PTPRO: variants seen among roughly 807,000 people sequenced by gnomAD.
PTPRO encodes the protein protein tyrosine phosphatase receptor type O.
Under a neutral mutation model 145.2 loss-of-function variants are expected in PTPRO, and 62 were observed. That is an observed-to-expected ratio of 0.43 (90% confidence interval 0.35 to 0.53). PTPRO has a LOEUF of 0.53. Among genes scored for constraint, PTPRO ranks in the 20% least tolerant of loss-of-function variants. The pLI is 0.01. For missense variants in PTPRO, 1,345 were observed against 1,482.7 expected, an observed-to-expected ratio of 0.91 and a Z score of 1.53; for synonymous variants, 565 against 514.7, an observed-to-expected ratio of 1.10 and a Z score of -1.32.
rs181802743 is a variant in PTPRO, at chr12:15,431,372, T to C, written c.76-52602T>C. 3.3e-3 allele frequency among the ~76,000 whole-genome samples: 505 copies of C among 152,328 alleles called. 1 individual carries two copies. The highest frequency in any genetic ancestry group is 5.2e-3 in the Non-Finnish European group (357 of 68,032). On this transcript the variant is annotated intron_variant, in intron 1 of 26. Transcript: ENST00000281171. ...ATTTGCCTTCAAAAATTATACCTTT[T>C]GGAAAACTATACCATATAATTATTT... is the stretch of plus-strand genomic sequence containing the variant.
At chr12:15,396,626 C>T (rs1190394074) in intron 1 of PTPRO, among the ~76,000 whole-genome samples, 3 of 152,126 alleles carry the variant, frequency 2.0e-5, no homozygotes, top group African/African-American at 7.2e-5. Flanking sequence ...AGTAACAGCA[C>T]TTCATAGAGC....
intron 1 of PTPRO, among the ~76,000 whole-genome samples, chr12:15,376,339 T>A (rs968109431): frequency 2.0e-5 from 3 of 152,306 alleles, no homozygotes; most frequent in Middle Eastern, 3.4e-3. Context: ...CAACCAAGAA[T>A]TCTATATTCA....
chr12:15,461,394 T>C (rs1215430949), intron 1 of PTPRO, among the ~76,000 whole-genome samples: 1 of 152,116 alleles, frequency 6.6e-6, no homozygotes, highest in Non-Finnish European at 1.5e-5. Flanking sequence ...CACAACCACC[T>C]TGGACATATG....
intron 1 of PTPRO, among the ~76,000 whole-genome samples, chr12:15,451,566 C>G (rs935184362): frequency 6.6e-6 from 1 of 152,182 alleles, no homozygotes; most frequent in Non-Finnish European, 1.5e-5. Flanking sequence ...GCACATGGAA[C>G]ATTCTCCAAG....
chr12:15,416,138 A>G (rs1201459248), intron 1 of PTPRO, among the ~76,000 whole-genome samples: 1 of 151,630 alleles, frequency 6.6e-6, no homozygotes, highest in Non-Finnish European at 1.5e-5. Context: ...GCTCATATTC[A>G]TTAAATAAAT....
At chr12:15,420,872 T>A (rs969037991) in intron 1 of PTPRO, among the ~76,000 whole-genome samples, 1 of 152,150 alleles carries the variant, frequency 6.6e-6, no homozygotes, top group Non-Finnish European at 1.5e-5. Flanking sequence ...GTTGAATGAG[T>A]TAGCACAGAA....
intron 24 of PTPRO, among the ~76,000 whole-genome samples, chr12:15,588,712 T>C (rs765755101): frequency 2.0e-5 from 3 of 152,192 alleles, no homozygotes; most frequent in Non-Finnish European, 2.9e-5. Context: ...AGTTAGGGTA[T>C]GGACATCTCA....
At chr12:15,372,984 T>C (rs575151945) in intron 1 of PTPRO, among the ~76,000 whole-genome samples, 41 of 152,268 alleles carry the variant, frequency 2.7e-4, no homozygotes, top group African/African-American at 9.4e-4. Flanking sequence ...TCTGAGTCAG[T>C]CAACGGCATG....
intron 1 of PTPRO, among the ~76,000 whole-genome samples, chr12:15,396,314 A>G (rs141502537): frequency 7.0e-4 from 106 of 152,306 alleles, no homozygotes; most frequent in African/African-American, 2.2e-3. Flanking sequence ...ATTGTGTTGC[A>G]CTTGTGTCTT....
chr12:15,380,938 A>G (rs1938842354), intron 1 of PTPRO, among the ~76,000 whole-genome samples: 1 of 152,178 alleles, frequency 6.6e-6, no homozygotes, highest in African/African-American at 2.4e-5. Context: ...GAGACATACT[A>G]TATAGAATAG....
At chr12:15,361,412 C>A (rs1423951485) in intron 1 of PTPRO, among the ~76,000 whole-genome samples, 20 of 140,530 alleles carry the variant, frequency 1.4e-4, no homozygotes, top group African/African-American at 5.4e-4. Context: ...GCACTCCAGC[C>A]TGGGCGACAG....
chr12:15,496,456 A>G (rs1368063185), intron 2 of PTPRO, among the ~76,000 whole-genome samples: 1 of 152,062 alleles, frequency 6.6e-6, no homozygotes, highest in East Asian at 1.9e-4. Flanking sequence ...TATCTTCTTA[A>G]TAAAATTCAT....
intron 11 of PTPRO, 67 bp downstream of exon 11, chr12:15,525,032 T>C: frequency 2.6e-6 from 4 of 1,556,420 alleles, no homozygotes; most frequent in Non-Finnish European, 3.5e-6. Flanking sequence ...TGAAAACCAC[T>C]AAGCAATCAT....
At chr12:15,545,241 C>A (rs1374579369) in intron 12 of PTPRO, among the ~76,000 whole-genome samples, 1 of 151,752 alleles carries the variant, frequency 6.6e-6, no homozygotes, top group Admixed American at 6.6e-5. Context: ...AATGAAAAAT[C>A]CAAGTAACAA....
At chr12:15,325,182 A>C (rs1203950140) in intron 1 of PTPRO, among the ~76,000 whole-genome samples, 1 of 152,246 alleles carries the variant, frequency 6.6e-6, no homozygotes, top group Non-Finnish European at 1.5e-5. Flanking sequence ...TTTATATAAG[A>C]GTGAAAATTC....
At chr12:15,386,464 A>G (rs1483444148) in intron 1 of PTPRO, among the ~76,000 whole-genome samples, 2 of 152,168 alleles carry the variant, frequency 1.3e-5, no homozygotes, top group African/African-American at 2.4e-5. Flanking sequence ...ATGCATATAC[A>G]TATACATATA....
In PTPRO at chr12:15,564,131, T is replaced by A. The variant is rs558923588; in HGVS notation, c.2712-1462T>A. Among the ~76,000 whole-genome samples, 35 of 152,256 alleles carry A rather than the reference T, an allele frequency of 2.3e-4. No individual in the cohort carries two copies. In the Middle Eastern group the frequency reaches 0.01, roughly 44 times the overall value. ...CTGATTTTTCCCTCTAAATCTCAAG[T>A]GTGGAAGACAAAGAGGATGAGGGAG... On this transcript the variant is annotated intron_variant, in intron 17 of 26. Coordinates refer to ENST00000281171, the MANE Select transcript of PTPRO (RefSeq NM_030667.3).
chr12:15,474,212 A>G (rs1018199666), intron 1 of PTPRO, among the ~76,000 whole-genome samples: 4 of 152,210 alleles, frequency 2.6e-5, no homozygotes, highest in African/African-American at 7.2e-5. Flanking sequence ...ATTTTCAGTG[A>G]TGGTGGGAGC....
intron 12 of PTPRO, among the ~76,000 whole-genome samples, chr12:15,531,228 C>A (rs1180555804): frequency 2.6e-5 from 4 of 151,964 alleles, no homozygotes; most frequent in African/African-American, 9.7e-5. Flanking sequence ...AGTCTCCTAC[C>A]AAAGAAAGCC....
Sources: gnomAD v4.1 joint callset for allele counts (sites outside exome capture counted in the v4.1 genomes callset) on GRCh38, gnomAD v4.1.1 for gene constraint, MANE v1.5 for transcripts, NCBI Gene and HGNC (gene_info 2026-07-23, HGNC 2026-07-21) for gene names.